ANKMY1: variants seen among roughly 807,000 people sequenced by gnomAD.
The protein encoded by ANKMY1 is ankyrin repeat and MYND domain containing 1.
Under a neutral mutation model 102.0 loss-of-function variants are expected in ANKMY1, and 98 were observed. That is an observed-to-expected ratio of 0.96 (90% CI 0.82 to 1.14). The LOEUF is 1.14. Ranked by LOEUF, ANKMY1 falls within the 50% of genes most tolerant of loss-of-function variation. The pLI is 0.00. For synonymous variants in ANKMY1, 582 were observed against 559.9 expected (o/e 1.04, Z -0.56); for missense variants, 1,330 against 1,347.6 (o/e 0.99, Z 0.20).
chr2:240,472,314 G>A, the ANKMY1 span, among the ~76,000 whole-genome samples: 1 of 133,906 alleles, frequency 7.5e-6, no homozygotes, highest in East Asian at 2.0e-4. Context: ...CAGGCTGAAG[G>A]AGCCCTGTGA....
At chr2:240,495,241 G>A (rs188361197) in intron 15 of ANKMY1, among the ~76,000 whole-genome samples, 21 of 152,236 alleles carry the variant, frequency 1.4e-4, no homozygotes, top group East Asian at 5.8e-4. Flanking sequence ...TTAACAGACC[G>A]GGAAAGGTAA....
chr2:240,525,957 G>A (rs2083298367), intron 6 of ANKMY1, 108 bp from the exon 7 acceptor site: 7 of 1,360,516 alleles, frequency 5.1e-6, no homozygotes, highest in African/African-American at 1.4e-5. Flanking sequence ...GGCAGGGCAG[G>A]AACCAGTGCT....
At chr2:240,526,542 C>T (rs2152386210) in intron 5 of ANKMY1, 97 bp from the exon 6 acceptor site, 3 of 1,546,848 alleles carry the variant, frequency 1.9e-6, no homozygotes, top group Non-Finnish European at 1.7e-6. Flanking sequence ...GCCTCTCCCT[C>T]TTGTGGCTCA....
chr2:240,538,045 G>A (rs946050459), intron 4 of ANKMY1, among the ~76,000 whole-genome samples: 1 of 152,224 alleles, frequency 6.6e-6, no homozygotes, highest in Non-Finnish European at 1.5e-5. Flanking sequence ...TTCATCAATC[G>A]TTCATTGCTC....
chr2:240,535,697 T>C (rs540914959), intron 4 of ANKMY1, among the ~76,000 whole-genome samples: 9 of 152,288 alleles, frequency 5.9e-5, no homozygotes, highest in South Asian at 2.1e-4. Context: ...CTGGTAAGAA[T>C]TTATGGTTTG....
chr2:240,557,424 C>A (rs12465325), intron 1 of ANKMY1, 72 bp from the exon 2 acceptor site: 1 of 1,394,162 alleles, frequency 7.2e-7, no homozygotes, highest in South Asian at 1.7e-5. Flanking sequence ...GCCCGAGGCC[C>A]GGCCCGCGGC....
chr2:240,487,767 T>G (rs541926630), intron 15 of ANKMY1, among the ~76,000 whole-genome samples: 1 of 152,316 alleles, frequency 6.6e-6, no homozygotes, highest in East Asian at 1.9e-4. Flanking sequence ...ACCCACTGGC[T>G]GTTTGTACGT....
the ANKMY1 span, among the ~76,000 whole-genome samples, chr2:240,468,800 G>A: frequency 6.6e-6 from 1 of 152,310 alleles, no homozygotes; most frequent in East Asian, 1.9e-4. Context: ...GGGTGGGTGG[G>A]CACCCCAGGA....
At chr2:240,559,394 G>C (rs1395572366), upstream of ANKMY1, among the ~76,000 whole-genome samples, 3 of 152,210 alleles carry the variant, frequency 2.0e-5, no homozygotes, top group Non-Finnish European at 2.9e-5. Context: ...TTTCACCCAA[G>C]GCTGGCTTCC....
chr2:240,520,522 C>G lies in ANKMY1; in HGVS notation c.1844G>C (p.Arg615Pro). The change falls in exon 9 of 18, where the codon CGC becomes CCC. Residue 615 changes from arginine to proline, a missense_variant. Physicochemically the swap from Arg to Pro is moderately radical, Grantham distance 103. Transcript: ENST00000401804. This position sits in a 1 kb window ranked among gnomAD's most constrained non-coding sequence, Gnocchi z 4.8. ...MALSMIERRK[R>P]WRTIKLLLRR... ...CAGCAGCAGCTTGATGGTCCGCCAG[C>G]GCTTCCTCCGCCTGAAAAAGACGGT... 1 of 1,611,692 alleles carries G rather than the reference C, an allele frequency of 6.2e-7. No homozygotes were observed. The highest frequency in any genetic ancestry group is 8.5e-7 in the Non-Finnish European group (1 of 1,178,898).
upstream of ANKMY1, chr2:240,560,683 C>T: frequency 6.6e-7 from 1 of 1,519,508 alleles, no homozygotes; most frequent in Admixed American, 2.2e-5. Flanking sequence ...TCGGCGGGCG[C>T]CATGGGACCG....
chr2:240,518,171 A>G (rs2081524500), intron 9 of ANKMY1, among the ~76,000 whole-genome samples: 1 of 152,146 alleles, frequency 6.6e-6, no homozygotes. Context: ...TAAACATAGA[A>G]ATTGACCCTT....
chr2:240,479,465 C>T lies in ANKMY1; in HGVS notation c.*144G>A. The T allele has an allele frequency of 2.0e-6, 2 of 1,002,940 alleles. No homozygotes were observed. Among genetic ancestry groups the T allele is most frequent in the Non-Finnish European group, 1.5e-6 (1 of 662,600 alleles). The allele number at this position is 1,002,940 out of a possible 1,614,324, so 62.1% of individuals were successfully genotyped here. On this transcript the variant is annotated 3_prime_UTR_variant, in exon 18 of 18. Coordinates refer to ENST00000401804, the MANE Select transcript of ANKMY1 (RefSeq NM_001282771.3). ...GTGGGGCCAATTTATTGCGAGGTCG[C>T]AAGGGAGACACTGCTACAAAGCATG...
the ANKMY1 span, among the ~76,000 whole-genome samples, chr2:240,468,753 G>C: frequency 6.6e-6 from 1 of 152,170 alleles, no homozygotes; most frequent in African/African-American, 2.4e-5. Context: ...CTAGCAACTG[G>C]GACCTCCAGG....
At chr2:240,483,699 A>T (rs1210194995) in intron 15 of ANKMY1, among the ~76,000 whole-genome samples, 1 of 151,918 alleles carries the variant, frequency 6.6e-6, no homozygotes, top group Non-Finnish European at 1.5e-5. Flanking sequence ...TCTTCTTATT[A>T]TTATACTTCA....
At chr2:240,545,507 G>A (rs1467984289) in intron 4 of ANKMY1, among the ~76,000 whole-genome samples, 10 of 152,338 alleles carry the variant, frequency 6.6e-5, no homozygotes, top group East Asian at 1.9e-4. Context: ...AAAGCTGGAC[G>A]GAGAATGACT....
chr2:240,542,290 A>G (rs2089093536), intron 4 of ANKMY1, among the ~76,000 whole-genome samples: 1 of 151,806 alleles, frequency 6.6e-6, no homozygotes, highest in South Asian at 2.1e-4. Flanking sequence ...GGTGGGTTAC[A>G]AGGTCAGAGT....
At chr2:240,489,441 A>G (rs2076398335) in intron 15 of ANKMY1, among the ~76,000 whole-genome samples, 1 of 150,190 alleles carries the variant, frequency 6.7e-6, no homozygotes, top group Non-Finnish European at 1.5e-5. Flanking sequence ...TGGGCAACAG[A>G]GCAAGACTCT....
At chr2:240,497,481 G>T (rs973506218) in intron 15 of ANKMY1, among the ~76,000 whole-genome samples, 1 of 152,232 alleles carries the variant, frequency 6.6e-6, no homozygotes, top group Non-Finnish European at 1.5e-5. Flanking sequence ...TAATACCACA[G>T]ACATTCTCTG....
Sources: allele counts gnomAD v4.1 joint callset (sites outside exome capture counted in the v4.1 genomes callset), GRCh38; gene constraint gnomAD v4.1.1; non-coding constraint Gnocchi (gnomAD v3.1); transcripts MANE v1.5; gene names NCBI Gene and HGNC (gene_info 2026-07-23, HGNC 2026-07-21).